Variants in NDUFS4 observed in about 807,000 individuals in gnomAD.
NDUFS4 encodes the protein NADH dehydrogenase [ubiquinone] iron-sulfur protein 4, mitochondrial.
A neutral mutation model predicts 24.3 loss-of-function variants in NDUFS4; 28 were observed. The ratio of observed to expected loss-of-function variants is 1.15; its 90% CI spans 0.85 to 1.58. NDUFS4 has a LOEUF of 1.58. NDUFS4 is among the 40% of genes most tolerant of loss of function. The probability of loss-of-function intolerance (pLI) is 0.00; values close to 1 mark genes in which losing one functional copy is unlikely to be tolerated. For missense variants in NDUFS4, 223 were observed against 207.9 expected (o/e 1.07, Z -0.45); for synonymous variants, 93 against 69.7 (o/e 1.34, Z -1.67).
chr5:53,602,341 G>GCAC, intron 1 of NDUFS4, among the ~76,000 whole-genome samples: 1 of 152,186 alleles, frequency 6.6e-6, no homozygotes, highest in Middle Eastern at 3.4e-3. Context: ...TACATTTTGT[G>GCAC]TAGGTATATT....
chr5:53,602,741 T>G (rs181672759), intron 1 of NDUFS4, among the ~76,000 whole-genome samples: 1 of 152,282 alleles, frequency 6.6e-6, no homozygotes, highest in Non-Finnish European at 1.5e-5. Flanking sequence ...GGAAAACTCT[T>G]AAGATGCTAA....
chr5:53,611,012 C>A (rs1750678341), intron 2 of NDUFS4, among the ~76,000 whole-genome samples: 1 of 152,114 alleles, frequency 6.6e-6, no homozygotes, highest in South Asian at 2.1e-4. Context: ...TTCTTTTCAT[C>A]CATCTTTAGT....
At chr5:53,610,613 G>T (rs1252458325) in intron 2 of NDUFS4, among the ~76,000 whole-genome samples, 3 of 152,124 alleles carry the variant, frequency 2.0e-5, no homozygotes, top group African/African-American at 7.2e-5. Flanking sequence ...AATGAGGTAT[G>T]CCTGTATCTT....
At chr5:53,593,364 G>A (rs1163012657) in intron 1 of NDUFS4, among the ~76,000 whole-genome samples, 2 of 151,732 alleles carry the variant, frequency 1.3e-5, no homozygotes, top group South Asian at 2.1e-4. Flanking sequence ...GTGGGATCAG[G>A]AGTGATGATA....
chr5:53,576,740 A>G (rs72750151), intron 1 of NDUFS4, among the ~76,000 whole-genome samples: 24,345 of 152,154 alleles, frequency 0.16, 1,945 homozygotes, highest in Middle Eastern at 0.19. Context: ...CTAGTCAAAA[A>G]TTTAGAACAG....
intron 1 of NDUFS4, among the ~76,000 whole-genome samples, chr5:53,562,957 C>T (rs553297189): frequency 2.0e-4 from 30 of 152,186 alleles, no homozygotes; most frequent in African/African-American, 6.5e-4. Context: ...GGGCCGGGCG[C>T]GGTGGCTCAC....
chr5:53,585,080 A>T (rs1394594782), intron 1 of NDUFS4, among the ~76,000 whole-genome samples: 1 of 152,228 alleles, frequency 6.6e-6, no homozygotes, highest in Admixed American at 6.5e-5. Context: ...TTTTAAAGTT[A>T]AAAAATCTTA....
chr5:53,626,105 C>T (rs1408742438), intron 2 of NDUFS4, among the ~76,000 whole-genome samples: 2 of 152,124 alleles, frequency 1.3e-5, no homozygotes, highest in East Asian at 3.9e-4. Flanking sequence ...TCTCATTGTT[C>T]AACTCCCACT....
chr5:53,667,076 A>G (rs1752534864), intron 4 of NDUFS4, among the ~76,000 whole-genome samples: 1 of 152,318 alleles, frequency 6.6e-6, no homozygotes, highest in South Asian at 2.1e-4. Flanking sequence ...TATTTATTTA[A>G]CATGTAGCAT....
intron 2 of NDUFS4, among the ~76,000 whole-genome samples, chr5:53,632,708 G>A (rs1751441750): frequency 6.6e-6 from 1 of 152,018 alleles, no homozygotes; most frequent in Non-Finnish European, 1.5e-5. Context: ...CCTTCTTTCA[G>A]GGAACACAGT....
At chr5:53,591,350 A>G (rs954897472) in intron 1 of NDUFS4, among the ~76,000 whole-genome samples, 2 of 150,418 alleles carry the variant, frequency 1.3e-5, no homozygotes, top group Non-Finnish European at 2.9e-5. Context: ...GAGGAATCAC[A>G]CTACTGTTTT....
chr5:53,656,623 CA>C (rs1392222042), intron 3 of NDUFS4, among the ~76,000 whole-genome samples: 1 of 152,138 alleles, frequency 6.6e-6, no homozygotes, highest in Non-Finnish European at 1.5e-5. Context: ...GGTTACTTCT[CA>C]GGGGAGTAAT....
chr5:53,561,973 G>A (rs768554260), intron 1 of NDUFS4, among the ~76,000 whole-genome samples: 10 of 151,638 alleles, frequency 6.6e-5, no homozygotes, highest in Non-Finnish European at 1.3e-4. Context: ...GTAATTAAGT[G>A]TTCCATATAT....
chr5:53,593,353 C>T (rs946897079), intron 1 of NDUFS4, among the ~76,000 whole-genome samples: 1 of 150,568 alleles, frequency 6.6e-6, no homozygotes, highest in Non-Finnish European at 1.5e-5. Flanking sequence ...TTTTAATGTC[C>T]GTGGGATCAG....
At chr5:53,568,896 C>G (rs989272135) in intron 1 of NDUFS4, among the ~76,000 whole-genome samples, 2 of 152,126 alleles carry the variant, frequency 1.3e-5, no homozygotes, top group African/African-American at 2.4e-5. Flanking sequence ...TTAAACAAAG[C>G]TATATGAAGA....
intron 3 of NDUFS4, 131 bp from the exon 4 acceptor site, chr5:53,658,419 AT>A (rs1752225302): frequency 1.5e-6 from 1 of 665,892 alleles, no homozygotes; most frequent in African/African-American, 1.8e-5. Flanking sequence ...TTTTAAAGAA[AT>A]TATTACAAAT....
intron 1 of NDUFS4, among the ~76,000 whole-genome samples, chr5:53,583,436 A>G (rs1328349367): frequency 1.3e-5 from 2 of 152,244 alleles, no homozygotes; most frequent in African/African-American, 4.8e-5. Flanking sequence ...ATGGACATGT[A>G]TTGCAAATCT....
At chr5:53,632,295 C>T (rs1043209773) in intron 2 of NDUFS4, among the ~76,000 whole-genome samples, 3 of 152,204 alleles carry the variant, frequency 2.0e-5, no homozygotes, top group Non-Finnish European at 4.4e-5. Flanking sequence ...TACTGCTGAT[C>T]AGCTTAATCC....
intron 4 of NDUFS4, among the ~76,000 whole-genome samples, chr5:53,673,607 ACAAT>A (rs1421535055): frequency 6.6e-6 from 1 of 152,184 alleles, no homozygotes; most frequent in African/African-American, 2.4e-5. Flanking sequence ...TCTTTCTGGC[ACAAT>A]CAGTCACTTT....
Sources: gnomAD v4.1 joint callset for allele counts (sites outside exome capture counted in the v4.1 genomes callset) on GRCh38, gnomAD v4.1.1 for gene constraint, MANE v1.5 for transcripts, NCBI Gene and HGNC (gene_info 2026-07-23, HGNC 2026-07-21) for gene names.